The following WDFY2 variants were observed in gnomAD, a reference collection of about 807,000 sequenced individuals.
WDFY2 encodes WD repeat and FYVE domain-containing protein 2.
A neutral mutation model predicts 56.4 loss-of-function variants in WDFY2; 36 were observed. The ratio of observed to expected loss-of-function variants is 0.64; its 90% CI spans 0.49 to 0.84. The LOEUF is 0.84. WDFY2 is among the 40% of genes least tolerant of loss of function. WDFY2 has a pLI of 0.00. For missense variants in WDFY2, 444 were observed against 512.2 expected, an observed-to-expected ratio of 0.87 and a Z score of 1.29; for synonymous variants, 176 against 183.7, an observed-to-expected ratio of 0.96 and a Z score of 0.34.
rs1347189959 is a variant in WDFY2 at position 51,658,983 on chromosome 13, A to G, written c.138-1613A>G. ...GCTCTGTCGCCCAGGCAGGAGTGTAATGGCGCCATCTTGGCTCAATGCAAC... is the reference window on the plus strand; with the variant it reads ...GCTCTGTCGCCCAGGCAGGAGTGTAGTGGCGCCATCTTGGCTCAATGCAAC... On this transcript the variant is annotated intron_variant, in intron 1 of 11. Coordinates refer to ENST00000298125, the MANE Select transcript of WDFY2 (RefSeq NM_052950.4). Among the ~76,000 whole-genome samples the G allele has an allele frequency of 7.2e-5, 11 of 152,112 alleles. No homozygotes were observed. The South Asian group carries it at 2.1e-3, about 29-fold the overall frequency.
chr13:51,656,553 G>T (rs1311577589), intron 1 of WDFY2, among the ~76,000 whole-genome samples: 2 of 151,802 alleles, frequency 1.3e-5, no homozygotes, highest in African/African-American at 2.4e-5. Context: ...TATATGTATG[G>T]ATGTTCTATC....
Position 51,756,375 on chromosome 13 carries a change from G to GCTCCAAGCGCTCCTCCATCCCC in WDFY2, c.980_1001dup (p.Met335GlnfsTer13). ...GGGAAGGCCGTCTGTGGCAAGTGCA[G>GCTCCAAGCGCTCCTCCATCCCC]CTCCAAGCGCTCCTCCATCCCCCTG... On this transcript the variant is annotated frameshift_variant, in exon 10 of 12. Transcript: ENST00000298125. LOFTEE classifies it high-confidence loss of function. 1 of 1,614,104 alleles carries GCTCCAAGCGCTCCTCCATCCCC rather than the reference G, an allele frequency of 6.2e-7. No individual in the cohort carries two copies. The highest frequency in any genetic ancestry group is 1.1e-5 in the South Asian group (1 of 91,074).
At chr13:51,632,913 G>A (rs756561925) in intron 1 of WDFY2, among the ~76,000 whole-genome samples, 3 of 152,190 alleles carry the variant, frequency 2.0e-5, no homozygotes, top group African/African-American at 7.2e-5. Flanking sequence ...GTCAGAGGTT[G>A]TGTAGGTCAT....
intron 2 of WDFY2, among the ~76,000 whole-genome samples, chr13:51,674,676 G>A (rs913554773): frequency 2.0e-5 from 3 of 152,164 alleles, no homozygotes; most frequent in Admixed American, 6.5e-5. Flanking sequence ...CACACGCCCC[G>A]AATCAATTCT....
At chr13:51,596,963 G>C (rs935280979) in intron 1 of WDFY2, among the ~76,000 whole-genome samples, 1 of 152,188 alleles carries the variant, frequency 6.6e-6, no homozygotes, top group Non-Finnish European at 1.5e-5. Flanking sequence ...TCACAGTTCA[G>C]TGTAGTATAC....
In WDFY2 at chr13:51,635,218, A is replaced by G. The variant is rs1027237787; in HGVS notation, c.138-25378A>G. Among the ~76,000 whole-genome samples, 7 of 152,268 alleles carry G rather than the reference A, an allele frequency of 4.6e-5. No homozygotes were observed. In the South Asian group the frequency reaches 1.5e-3, roughly 32 times the overall value. On this transcript the variant is annotated intron_variant, in intron 1 of 11. Coordinates refer to ENST00000298125, the MANE Select transcript of WDFY2 (RefSeq NM_052950.4). Reference sequence around the variant, plus strand: ...CTCGGCCTCCCAAAGTCCTGGGATTACAGCGTGAGCTACTGCACCCCCGGC... The same window carrying G: ...CTCGGCCTCCCAAAGTCCTGGGATTGCAGCGTGAGCTACTGCACCCCCGGC...
chr13:51,693,917 G>A (rs1951805024), intron 3 of WDFY2, among the ~76,000 whole-genome samples: 1 of 151,722 alleles, frequency 6.6e-6, no homozygotes, highest in Admixed American at 6.6e-5. Flanking sequence ...TTGTTGAATT[G>A]ATCCCTTTAC....
At chr13:51,757,335 G>A (rs933404693) in intron 10 of WDFY2, among the ~76,000 whole-genome samples, 1 of 152,044 alleles carries the variant, frequency 6.6e-6, no homozygotes, top group African/African-American at 2.4e-5. Flanking sequence ...TCATTTTGTA[G>A]CTAAAGACAT....
chr13:51,616,974 T>C (rs1441543766), intron 1 of WDFY2, among the ~76,000 whole-genome samples: 8 of 152,226 alleles, frequency 5.3e-5, no homozygotes. Context: ...ATTTGTTGAG[T>C]TCATGTCATT....
intron 5 of WDFY2, among the ~76,000 whole-genome samples, 173 bp from the exon 6 acceptor site, chr13:51,727,505 A>G (rs1054510237): frequency 5.3e-5 from 8 of 152,352 alleles, no homozygotes; most frequent in African/African-American, 1.9e-4. Flanking sequence ...CTTACTGTCC[A>G]ATAATACAGT....
At chr13:51,670,499 A>G (rs1264548735) in intron 2 of WDFY2, among the ~76,000 whole-genome samples, 31 of 144,494 alleles carry the variant, frequency 2.1e-4, no homozygotes, top group African/African-American at 7.5e-4. Flanking sequence ...GCACACACAC[A>G]CACACACACA....
intron 1 of WDFY2, chr13:51,587,322 G>T (rs1472481758): frequency 6.6e-6 from 1 of 152,120 alleles, no homozygotes; most frequent in Non-Finnish European, 1.5e-5. Context: ...AGCTTTGTGT[G>T]TCTTATTCAT....
chr13:51,618,724 G>A (rs1954669680), intron 1 of WDFY2, among the ~76,000 whole-genome samples: 1 of 152,176 alleles, frequency 6.6e-6, no homozygotes, highest in Non-Finnish European at 1.5e-5. Context: ...CACGGCCTGT[G>A]GCTAATTAAC....
intron 3 of WDFY2, among the ~76,000 whole-genome samples, chr13:51,702,274 T>C (rs1952001083): frequency 1.3e-5 from 2 of 150,608 alleles, no homozygotes; most frequent in Non-Finnish European, 1.5e-5. Context: ...ATCGCGCCAC[T>C]GCACTCCAAC....
chr13:51,758,486 G>A (rs1292338014), intron 11 of WDFY2, among the ~76,000 whole-genome samples, 186 bp downstream of exon 11: 1 of 150,368 alleles, frequency 6.7e-6, no homozygotes. Flanking sequence ...AGGAGTTGAA[G>A]GCTACAGTGA....
rs570675059 is a variant in WDFY2 at position 51,760,118 on chromosome 13, A to C, written c.*349A>C. 4.7e-6 allele frequency: 1 copy of C among 213,116 alleles called. No individual in the cohort carries two copies. The highest frequency in any genetic ancestry group is 9.4e-6 in the Non-Finnish European group (1 of 106,792). 13.2% of individuals were successfully genotyped at this position (213,116 alleles called of 1,614,324 possible). On this transcript the variant is annotated 3_prime_UTR_variant, in exon 12 of 12. Transcript: ENST00000298125. ...TACTTGTTGCTTTGTCAGAGAAATA[A>C]GGGAGGTATCTACTCAGAGTATTTT... is the stretch of plus-strand genomic sequence containing the variant.
chr13:51,685,848 T>G (rs542418244), intron 3 of WDFY2, among the ~76,000 whole-genome samples: 7 of 152,312 alleles, frequency 4.6e-5, no homozygotes, highest in Middle Eastern at 3.4e-3. Flanking sequence ...ACGTATGCAT[T>G]GGCATTTCCA....
In WDFY2 at chr13:51,755,403, C is replaced by T; in HGVS notation, c.877C>T (p.Pro293Ser). Residue 293 changes from proline to serine, a missense_variant, in exon 9 of 12, where the codon CCT becomes TCT. Transcript: ENST00000298125. ...DSDSCQKCDQPFFWNFKQMWD... is the reference protein window; with the variant it reads ...DSDSCQKCDQSFFWNFKQMWD... Reference sequence around the variant, plus strand: ...TGATTCCTGCCAAAAGTGTGATCAGCCTTTCTTCTGGAACTTCAAGCAAAT... The same window carrying T: ...TGATTCCTGCCAAAAGTGTGATCAGTCTTTCTTCTGGAACTTCAAGCAAAT... 6.2e-7 allele frequency: 1 copy of T among 1,614,162 alleles called. No homozygotes were observed. The highest frequency in any genetic ancestry group is 1.3e-5 in the African/African-American group (1 of 75,018).
intron 1 of WDFY2, among the ~76,000 whole-genome samples, chr13:51,647,333 G>A (rs1187819736): frequency 3.3e-5 from 5 of 152,166 alleles, no homozygotes; most frequent in African/African-American, 9.7e-5. Flanking sequence ...GATATATATA[G>A]CCTGTCATTC....
Sources: gnomAD v4.1 joint callset for allele counts (sites outside exome capture counted in the v4.1 genomes callset) on GRCh38, gnomAD v4.1.1 for gene constraint, MANE v1.5 for transcripts, NCBI Gene and HGNC (gene_info 2026-07-23, HGNC 2026-07-21) for gene names.